Variants in RSF1 observed in about 807,000 individuals in gnomAD.
RSF1 encodes remodeling and spacing factor 1, also known as HBV pX-associated protein 8.
Under a neutral mutation model 145.2 loss-of-function variants are expected in RSF1, and 13 were observed. The ratio of observed to expected loss-of-function variants is 0.09; its 90% CI spans 0.06 to 0.14. The LOEUF (loss-of-function observed/expected upper bound fraction) is 0.14. RSF1 is among the 10% of genes least tolerant of loss of function. The probability of loss-of-function intolerance (pLI) is 1.00; values close to 1 mark genes in which losing one functional copy is unlikely to be tolerated. For synonymous variants in RSF1, 577 were observed against 592.6 expected (o/e 0.97, Z 0.38); for missense variants, 1,517 against 1,718.2 (o/e 0.88, Z 2.07).
At chr11:77,748,974 A>G (rs1301677128) in intron 2 of RSF1, among the ~76,000 whole-genome samples, 3 of 152,240 alleles carry the variant, frequency 2.0e-5, no homozygotes, top group African/African-American at 7.2e-5. Flanking sequence ...ATTTTATGTA[A>G]GCATAAAAAG....
chr11:77,842,702 TA>T, the RSF1 span: 2 of 1,570,090 alleles, frequency 1.3e-6, no homozygotes, highest in African/African-American at 1.4e-5. Flanking sequence ...CTGCAATGAC[TA>T]AGTGAAAAAC....
chr11:77,850,339 A>G, the RSF1 span, among the ~76,000 whole-genome samples: 3 of 152,206 alleles, frequency 2.0e-5, no homozygotes, highest in South Asian at 2.1e-4. Context: ...CCAGGGTCAC[A>G]TAACTAATAA....
At chr11:77,774,870 G>T (rs892820859) in intron 1 of RSF1, among the ~76,000 whole-genome samples, 2 of 150,246 alleles carry the variant, frequency 1.3e-5, no homozygotes, top group Non-Finnish European at 3.0e-5. Flanking sequence ...GGGTTCCAGT[G>T]ATTCTCCTGC....
intron 1 of RSF1, among the ~76,000 whole-genome samples, chr11:77,798,149 A>G (rs1351056786): frequency 6.6e-6 from 1 of 152,230 alleles, no homozygotes; most frequent in African/African-American, 2.4e-5. Flanking sequence ...CAGCGATCCC[A>G]TTACTGGGGT....
At chr11:77,707,182 G>A (rs992976456) in intron 5 of RSF1, among the ~76,000 whole-genome samples, 18 of 152,236 alleles carry the variant, frequency 1.2e-4, no homozygotes, top group Non-Finnish European at 2.1e-4. Flanking sequence ...GAACTACTCT[G>A]GGGCAGAAAT....
intron 9 of RSF1, among the ~76,000 whole-genome samples, chr11:77,687,718 A>G (rs1052345897): frequency 6.6e-6 from 1 of 152,182 alleles, no homozygotes; most frequent in Non-Finnish European, 1.5e-5. Flanking sequence ...AAAAAGGATG[A>G]CATTTAAACA....
At chr11:77,710,282 A>T (rs1554988230) in intron 5 of RSF1, among the ~76,000 whole-genome samples, 4 of 150,150 alleles carry the variant, frequency 2.7e-5, no homozygotes, top group Non-Finnish European at 5.9e-5. Flanking sequence ...TCACAATATA[A>T]TTTTTTTTTT....
chr11:77,692,020 A>C (rs1327080667), intron 8 of RSF1, among the ~76,000 whole-genome samples: 1 of 152,084 alleles, frequency 6.6e-6, no homozygotes, highest in Admixed American at 6.6e-5. Flanking sequence ...TTTTCTAAGT[A>C]GCAGGGATTA....
chr11:77,694,644 T>A (rs1406601648), intron 7 of RSF1, among the ~76,000 whole-genome samples: 1 of 152,230 alleles, frequency 6.6e-6, no homozygotes, highest in Non-Finnish European at 1.5e-5. Flanking sequence ...CTCATATAAC[T>A]ATGGTACATT....
chr11:77,858,052 AG>A, the RSF1 span, among the ~76,000 whole-genome samples: 2 of 151,320 alleles, frequency 1.3e-5, no homozygotes, highest in Non-Finnish European at 2.9e-5. Flanking sequence ...TGTCCCTCAC[AG>A]GGTGACCCAG....
rs769615173 is a variant in RSF1, at chr11:77,702,454, G to A, written c.775C>T (p.Pro259Ser). ...ESEKMKSEEQ[P>S]MDLENRSTAN... ...GTAGAACGGTTTTCTAAATCCATAG[G>A]CTGCTCCTCACTTTTCATCTTTTCA... is the stretch of plus-strand genomic sequence containing the variant. The change falls in exon 6 of 16, where the codon CCT (proline) becomes TCT (serine). Residue 259 changes from proline (P) to serine (S), a missense_variant. By Grantham distance (74) the Pro-to-Ser change is moderately conservative. Around this residue, in one of 12 missense-constraint regions of RSF1, gnomAD observed 207 missense variants for 191.4 expected, o/e 1.08. Transcript: ENST00000308488. 8 of 1,563,854 alleles carry A rather than the reference G, an allele frequency of 5.1e-6. No homozygotes were observed. The South Asian group carries it at 8.6e-5, about 17-fold the overall frequency.
At chr11:77,784,729 A>G (rs928300927) in intron 1 of RSF1, among the ~76,000 whole-genome samples, 3 of 152,172 alleles carry the variant, frequency 2.0e-5, no homozygotes, top group African/African-American at 7.2e-5. Context: ...ACTACAATGA[A>G]TCAATTGGGT....
At chr11:77,727,472 A>AC (rs1460049050) in intron 4 of RSF1, among the ~76,000 whole-genome samples, 1 of 94,072 alleles carries the variant, frequency 1.1e-5, no homozygotes, top group Non-Finnish European at 2.0e-5. Flanking sequence ...TACTTCCACT[A>AC]CTTTTTTTTT....
At chr11:77,811,714 G>C (rs1378425525) in intron 1 of RSF1, among the ~76,000 whole-genome samples, 2 of 152,082 alleles carry the variant, frequency 1.3e-5, no homozygotes, top group Admixed American at 6.6e-5. Context: ...CTAGCAATGA[G>C]AACAGAAAAG....
intron 4 of RSF1, among the ~76,000 whole-genome samples, chr11:77,730,725 T>C (rs1961185796): frequency 6.6e-6 from 1 of 152,210 alleles, no homozygotes; most frequent in South Asian, 2.1e-4. Context: ...GTTCTCGTGA[T>C]AGTGAATGAG....
intron 4 of RSF1, among the ~76,000 whole-genome samples, chr11:77,728,832 C>T (rs1447008822): frequency 6.6e-6 from 1 of 150,622 alleles, no homozygotes; most frequent in African/African-American, 2.5e-5. Flanking sequence ...AAAAATATCC[C>T]GGTGTTAGAT....
the RSF1 span, among the ~76,000 whole-genome samples, chr11:77,828,640 C>T: frequency 6.8e-5 from 10 of 146,742 alleles, no homozygotes; most frequent in African/African-American, 1.3e-4. Context: ...CACTGCACTG[C>T]GCCTGGGCAA....
intron 1 of RSF1, among the ~76,000 whole-genome samples, chr11:77,772,636 T>C (rs1948298315): frequency 6.6e-6 from 1 of 152,138 alleles, no homozygotes; most frequent in Non-Finnish European, 1.5e-5. Flanking sequence ...TCATTCATAA[T>C]TGAAGGAATT....
chr11:77,824,882 C>G (rs530805586), upstream of RSF1, among the ~76,000 whole-genome samples: 4 of 152,208 alleles, frequency 2.6e-5, no homozygotes, highest in South Asian at 8.3e-4. Context: ...CTATATAATC[C>G]CAATTAGCAT....
Sources: allele counts gnomAD v4.1 joint callset (sites outside exome capture counted in the v4.1 genomes callset), GRCh38; gene constraint gnomAD v4.1.1; regional missense constraint gnomAD v4.1.1; transcripts MANE v1.5; gene names NCBI Gene and HGNC (gene_info 2026-07-23, HGNC 2026-07-21).